PRRC2C: variants seen among roughly 807,000 people sequenced by gnomAD.
PRRC2C encodes the protein proline rich coiled-coil 2C.
A neutral mutation model predicts 317.2 loss-of-function variants in PRRC2C; 72 were observed. The ratio of observed to expected loss-of-function variants is 0.23; its 90% confidence interval spans 0.19 to 0.28. The LOEUF (loss-of-function observed/expected upper bound fraction) is 0.28. Ranked by LOEUF, PRRC2C falls within the 10% of genes least tolerant of loss-of-function variation. The probability of loss-of-function intolerance (pLI) is 1.00; values close to 1 mark genes in which losing one functional copy is unlikely to be tolerated. For missense variants in PRRC2C, 3,074 were observed against 3,459.7 expected, an observed-to-expected ratio of 0.89 and a Z score of 2.80; for synonymous variants, 1,296 against 1,205.9, an observed-to-expected ratio of 1.07 and a Z score of -1.55.
At chr1:171,516,368 G>C (rs1470160044) in intron 5 of PRRC2C, among the ~76,000 whole-genome samples, 1 of 152,142 alleles carries the variant, frequency 6.6e-6, no homozygotes, top group East Asian at 1.9e-4. Context: ...GCTTCATACT[G>C]TCATTACCAA....
intron 11 of PRRC2C, among the ~76,000 whole-genome samples, chr1:171,529,242 T>C (rs1345177694): frequency 6.6e-6 from 1 of 152,224 alleles, no homozygotes; most frequent in African/African-American, 2.4e-5. Context: ...ATCCTTTTCC[T>C]TGGGTATGTC....
intron 1 of PRRC2C, among the ~76,000 whole-genome samples, chr1:171,508,814 TATAAC>T (rs1305898391): frequency 2.0e-5 from 3 of 152,256 alleles, no homozygotes; most frequent in South Asian, 2.1e-4. Context: ...GTTGAGTTCT[TATAAC>T]ATATTTACAT....
At chr1:171,544,105 C>T (rs1033140697) in intron 16 of PRRC2C, among the ~76,000 whole-genome samples, 16 of 152,090 alleles carry the variant, frequency 1.1e-4, no homozygotes, top group Non-Finnish European at 2.4e-4. Context: ...GTTTCCAACA[C>T]ATGAACTTTT....
rs1571835290 is a variant in PRRC2C, at chr1:171,532,204, T to G, written c.1255-139T>G. Reference sequence around the variant, plus strand: ...TCTAGATGTAATATATTTCCCATCTTATGTGTTTTCATTTTAATGTGTATG... The same window carrying G: ...TCTAGATGTAATATATTTCCCATCTGATGTGTTTTCATTTTAATGTGTATG... On this transcript the variant is annotated intron_variant, in intron 11 of 34. Transcript: ENST00000647382. 3.5e-6 allele frequency: 3 copies of G among 859,736 alleles called. No individual in the cohort carries two copies. In the African/African-American group the frequency reaches 5.1e-5, roughly 15 times the overall value. 53.3% of individuals were successfully genotyped at this position (859,736 alleles called of 1,614,324 possible).
intron 1 of PRRC2C, among the ~76,000 whole-genome samples, chr1:171,508,075 T>C (rs1377315844): frequency 6.6e-6 from 1 of 152,246 alleles, no homozygotes; most frequent in African/African-American, 2.4e-5. Flanking sequence ...ACTTAAAAGA[T>C]CATGTCATCT....
intron 1 of PRRC2C, among the ~76,000 whole-genome samples, chr1:171,487,890 C>G (rs1451367292): frequency 6.6e-6 from 1 of 152,114 alleles, no homozygotes; most frequent in Non-Finnish European, 1.5e-5. Context: ...TTTCACCTCC[C>G]CTTATCCCTG....
chr1:171,591,152 A>T, intron 34 of PRRC2C: 1 of 987,854 alleles, frequency 1.0e-6, no homozygotes, highest in Non-Finnish European at 1.2e-6. Context: ...TCCCCTGCAG[A>T]AGAGAGCTGT....
chr1:171,538,265 G>A (rs558646105), intron 15 of PRRC2C, among the ~76,000 whole-genome samples: 8 of 152,254 alleles, frequency 5.3e-5, no homozygotes, highest in African/African-American at 1.4e-4. Context: ...GTGAGCCATC[G>A]TGTGCAGCCA....
At chr1:171,547,640 T>TTTTTG (rs1451168198) in intron 17 of PRRC2C, among the ~76,000 whole-genome samples, 3 of 142,910 alleles carry the variant, frequency 2.1e-5, no homozygotes, top group Non-Finnish European at 3.1e-5. Context: ...CTTCTTTTTT[T>TTTTTG]TTTTTGTTTT....
At chr1:171,520,149 G>C (rs1673279283) in intron 6 of PRRC2C, among the ~76,000 whole-genome samples, 1 of 152,130 alleles carries the variant, frequency 6.6e-6, no homozygotes, top group Admixed American at 6.5e-5. Context: ...TTTTAGTAGA[G>C]ACAGGGTTTC....
intron 17 of PRRC2C, among the ~76,000 whole-genome samples, chr1:171,548,365 A>G (rs138998561): frequency 4.6e-4 from 70 of 152,284 alleles, no homozygotes; most frequent in African/African-American, 1.4e-3. Flanking sequence ...ATGTTTGTAG[A>G]TAGTTTCTCT....
intron 1 of PRRC2C, among the ~76,000 whole-genome samples, chr1:171,491,332 C>T (rs1381350268): frequency 6.6e-6 from 1 of 152,140 alleles, no homozygotes; most frequent in Admixed American, 6.6e-5. Flanking sequence ...GTATACTGCC[C>T]AAAGATGCTG....
At chr1:171,490,559 G>T (rs1246750034) in intron 1 of PRRC2C, among the ~76,000 whole-genome samples, 2 of 152,218 alleles carry the variant, frequency 1.3e-5, no homozygotes, top group African/African-American at 2.4e-5. Flanking sequence ...TTTAGATAGA[G>T]AAATGTAATA....
chr1:171,591,723 C>T lies in PRRC2C; in HGVS notation c.8573C>T (p.Pro2858Leu). 1.2e-6 allele frequency: 2 copies of T among 1,613,924 alleles called. No homozygotes were observed. Among genetic ancestry groups the T allele is most frequent in the South Asian group, 1.1e-5 (1 of 91,078 alleles). The part of the protein sequence containing the change: ...SSKPPETLTD[P>L]PGVCQEKVEE... ...AAACCTCCTGAAACACTGACCGACC[C>T]TCCTGGGGTCTGTCAGGAAAAAGTA... The change falls in exon 35 of 35, where the codon CCT becomes CTT. Residue 2858 changes from proline to leucine, a missense_variant. Pro to Leu is a moderately conservative substitution (Grantham distance 98, BLOSUM62 -3). This residue lies in a region of PRRC2C where 78 missense variants were observed against 97.7 expected (regional missense o/e 0.80). Transcript: ENST00000647382.
intron 6 of PRRC2C, among the ~76,000 whole-genome samples, chr1:171,519,217 C>T (rs542609470): frequency 6.6e-6 from 1 of 152,074 alleles, no homozygotes; most frequent in Admixed American, 6.6e-5. Flanking sequence ...AAAGCAAATC[C>T]AAGATATTTC....
At chr1:171,516,134 A>G (rs928500141) in intron 5 of PRRC2C, among the ~76,000 whole-genome samples, 2 of 152,200 alleles carry the variant, frequency 1.3e-5, no homozygotes, top group South Asian at 2.1e-4. Flanking sequence ...ATGTATACCA[A>G]TATTTGGATT....
At chr1:171,571,026 T>C (rs891365886) in intron 23 of PRRC2C, among the ~76,000 whole-genome samples, 4 of 152,174 alleles carry the variant, frequency 2.6e-5, no homozygotes, top group African/African-American at 4.8e-5. Context: ...TATGTACATA[T>C]TAAAATATGA....
intron 18 of PRRC2C, among the ~76,000 whole-genome samples, chr1:171,551,630 G>A (rs1344937935): frequency 6.6e-6 from 1 of 151,978 alleles, no homozygotes; most frequent in Non-Finnish European, 1.5e-5. Context: ...TCTTGAATTA[G>A]TTTTTGTATA....
intron 5 of PRRC2C, 72 bp downstream of exon 5, chr1:171,515,931 T>A (rs1672265910): frequency 6.9e-7 from 1 of 1,451,506 alleles, no homozygotes; most frequent in Non-Finnish European, 9.2e-7. Context: ...ACCTCCTGCT[T>A]GCTGTTGCAT....
Sources: allele counts gnomAD v4.1 joint callset (sites outside exome capture counted in the v4.1 genomes callset), GRCh38; gene constraint gnomAD v4.1.1; regional missense constraint gnomAD v4.1.1; transcripts MANE v1.5; gene names NCBI Gene and HGNC (gene_info 2026-07-23, HGNC 2026-07-21).